CPLANE1: variants seen among roughly 807,000 people sequenced by gnomAD.
CPLANE1 encodes the protein ciliogenesis and planar polarity effector complex subunit 1.
A neutral mutation model predicts 362.5 loss-of-function variants in CPLANE1; 263 were observed. That is an observed-to-expected ratio of 0.73 (90% CI 0.66 to 0.80). The LOEUF is 0.80. Ranked by LOEUF, CPLANE1 falls within the 30% of genes least tolerant of loss-of-function variation. CPLANE1 has a pLI of 0.00. For synonymous variants in CPLANE1, 1,212 were observed against 1,302.6 expected, an observed-to-expected ratio of 0.93 and a Z score of 1.50; for missense variants, 3,461 against 3,793.4, an observed-to-expected ratio of 0.91 and a Z score of 2.30.
In CPLANE1 at chr5:37,224,272, T is replaced by C. The variant is rs1358736907; in HGVS notation, c.2562A>G (p.Leu854=). 6.5e-7 allele frequency: 1 copy of C among 1,548,738 alleles called. No individual in the cohort carries two copies. The highest frequency in any genetic ancestry group is 1.4e-5 in the African/African-American group (1 of 72,952). The change falls in exon 14 of 53, where the codon CTA becomes CTG. Residue 854 remains leucine (L), a synonymous_variant. Transcript: ENST00000651892. ...EKSVQLWKKA[L]QEIEEKGGRR... is the part of the protein sequence containing the mutation. ...TCTTACCTTTCTCTTCGATTTCTTG[T>C]AGAGCTTTTTTCCACAGCTGAACAG...
intron 16 of CPLANE1, chr5:37,211,868 G>T: frequency 1.3e-6 from 1 of 789,144 alleles, no homozygotes; most frequent in South Asian, 1.3e-5. Context: ...CACGGAATGT[G>T]CCAAGGCAGT....
Position 37,238,837 on chromosome 5 carries a change from A to G in CPLANE1, c.938+20T>C, listed in dbSNP as rs1391242118. ...TTTAAAAGAAAAAAAGAAAAAAAAG[A>G]CAGACAAAAGAGTTCTTACCTAATA... On this transcript the variant is annotated intron_variant, in intron 8 of 52. Coordinates refer to ENST00000651892, the MANE Select transcript of CPLANE1 (RefSeq NM_001384732.1). 16 of 1,361,144 alleles carry G rather than the reference A, an allele frequency of 1.2e-5. No individual in the cohort carries two copies. The African/African-American group carries it at 2.2e-4, about 19-fold the overall frequency. 84.3% of individuals were successfully genotyped at this position (1,361,144 alleles called of 1,614,324 possible).
chr5:37,104,967 T>C (rs1757484142), downstream of CPLANE1, among the ~76,000 whole-genome samples: 1 of 152,074 alleles, frequency 6.6e-6, no homozygotes, highest in African/African-American at 2.4e-5. Context: ...AAAACAGCAC[T>C]GAACTGGTAT....
chr5:37,172,309 C>T (rs186791844), intron 32 of CPLANE1, among the ~76,000 whole-genome samples: 1 of 152,112 alleles, frequency 6.6e-6, no homozygotes, highest in South Asian at 2.1e-4. Flanking sequence ...TTAGCCACTG[C>T]TATAGAAATA....
intron 13 of CPLANE1, 49 bp downstream of exon 13, chr5:37,224,483 A>C: frequency 7.2e-7 from 1 of 1,383,358 alleles, no homozygotes; most frequent in Non-Finnish European, 1.0e-6. Flanking sequence ...AAGTCTGGTT[A>C]ACTATGTCAT....
At chr5:37,217,327 C>T (rs543759160) in intron 15 of CPLANE1, among the ~76,000 whole-genome samples, 4 of 152,046 alleles carry the variant, frequency 2.6e-5, no homozygotes, top group East Asian at 1.9e-4. Flanking sequence ...AAATCTCGAC[C>T]GGGTGCAGTG....
chr5:37,107,382 C>A lies in CPLANE1; in HGVS notation c.*220G>T. On this transcript the variant is annotated 3_prime_UTR_variant, in exon 53 of 53. Transcript: ENST00000651892. ...CCTAATGATGCATCAAATACAAAAACATATAATACATCAATAGTCAACCCT... is the reference window on the plus strand; with the variant it reads ...CCTAATGATGCATCAAATACAAAAAAATATAATACATCAATAGTCAACCCT... The A allele has an allele frequency of 8.0e-7, 1 of 1,244,134 alleles. No individual in the cohort carries two copies. The highest frequency in any genetic ancestry group is 1.0e-6 in the Non-Finnish European group (1 of 991,638). The allele number at this position is 1,244,134 out of a possible 1,614,324, so 77.1% of individuals were successfully genotyped here.
intron 21 of CPLANE1, among the ~76,000 whole-genome samples, chr5:37,192,708 C>CA (rs1580600103): frequency 2.0e-5 from 3 of 150,558 alleles, no homozygotes; most frequent in African/African-American, 7.3e-5. Context: ...ACTAAAAATA[C>CA]AAAAAATTAG....
Position 37,209,092 on chromosome 5 carries a change from C to T in CPLANE1, c.2921-2667G>A, listed in dbSNP as rs1402086326. Among the ~76,000 whole-genome samples the T allele has an allele frequency of 6.6e-6, 1 of 152,264 alleles. No individual in the cohort carries two copies. Among genetic ancestry groups the T allele is most frequent in the Non-Finnish European group, 1.5e-5 (1 of 68,050 alleles). On this transcript the variant is annotated intron_variant, in intron 16 of 52. Coordinates refer to ENST00000651892, the MANE Select transcript of CPLANE1 (RefSeq NM_001384732.1). The surrounding 1 kb of genome is among the most constrained non-coding windows in gnomAD (Gnocchi z 4.6). ...TGTCCCTAGTCTCCGGGTCCCCGCC[C>T]TCCAGCCGCCTTTGATTCGTGACTG... is the stretch of plus-strand genomic sequence containing the variant.
chr5:37,167,203 G>A lies in CPLANE1; in HGVS notation c.7244C>T (p.Thr2415Ile). The A allele has an allele frequency of 6.2e-7, 1 of 1,607,780 alleles. No homozygotes were observed. The highest frequency in any genetic ancestry group is 8.5e-7 in the Non-Finnish European group (1 of 1,178,596). Reference protein sequence around the residue: ...HLSPENRCKKTQLIPLENLIA... With the variant: ...HLSPENRCKKIQLIPLENLIA... ...GAGGTTTTCAAGTGGGATAAGTTGT[G>A]TTTTTTTGCACTACAAGAAAGAAAC... The change falls in exon 35 of 53, where the codon ACA becomes ATA. Residue 2415 changes from threonine (T) to isoleucine (I), a missense_variant. By Grantham distance (89) the Thr-to-Ile change is moderately conservative. Transcript: ENST00000651892.
intron 16 of CPLANE1, among the ~76,000 whole-genome samples, chr5:37,206,686 A>G (rs774790816): frequency 5.9e-5 from 9 of 152,156 alleles, no homozygotes; most frequent in Non-Finnish European, 1.3e-4. Flanking sequence ...ACAGAATAGA[A>G]AGTATCAGAC....
chr5:37,201,732 A>C lies in CPLANE1; in HGVS notation c.3366T>G (p.Asp1122Glu). The part of the protein sequence containing the change: ...QEVLKASVMA[D>E]ADILSETFQL... Reference sequence around the variant, plus strand: ...GAAATGTCTCCGAAAGAATATCTGCATCGGCCATAACTGATGCTTTCAGTA... The same window carrying C: ...GAAATGTCTCCGAAAGAATATCTGCCTCGGCCATAACTGATGCTTTCAGTA... Residue 1122 changes from aspartate (D) to glutamate (E), a missense_variant, in exon 19 of 53, where the codon GAT (aspartate) becomes GAG (glutamate). Coordinates refer to ENST00000651892, the MANE Select transcript of CPLANE1 (RefSeq NM_001384732.1). 1 of 1,614,202 alleles carries C rather than the reference A, an allele frequency of 6.2e-7. No individual in the cohort carries two copies. The highest frequency in any genetic ancestry group is 8.5e-7 in the Non-Finnish European group (1 of 1,180,012).
rs528448816 is a variant in CPLANE1 at position 37,142,422 on chromosome 5, T to C, written c.8520A>G (p.Glu2840=). 2.3e-5 allele frequency: 37 copies of C among 1,609,338 alleles called. No individual in the cohort carries two copies. In the South Asian group the frequency reaches 4.0e-4, roughly 17 times the overall value. Residue 2840 remains glutamate (E), a synonymous_variant, in exon 44 of 53, where the codon GAA becomes GAG. Coordinates refer to ENST00000651892, the MANE Select transcript of CPLANE1 (RefSeq NM_001384732.1). ...EDQSDKKETS[E]PEFSITENYS... is the part of the protein sequence containing the mutation. ...AATTTTCTGTTATTGAAAATTCAGGTTCTGAAGTCTCCTTTTTGTCACTTT... is the reference window on the plus strand; with the variant it reads ...AATTTTCTGTTATTGAAAATTCAGGCTCTGAAGTCTCCTTTTTGTCACTTT...
In CPLANE1 at chr5:37,243,100, A is replaced by G. The variant is rs1263716375; in HGVS notation, c.590T>C (p.Leu197Pro). The G allele has an allele frequency of 1.3e-6, 2 of 1,540,982 alleles. No individual in the cohort carries two copies. The highest frequency in any genetic ancestry group is 1.8e-6 in the Non-Finnish European group (2 of 1,142,458). Reference protein sequence around the residue: ...IKNELFGDCCLCSFTFYSGEC... With the variant: ...IKNELFGDCCPCSFTFYSGEC... ...CCCAGAATAAAAAGTAAATGAACAC[A>G]GGCAGCAGTCTCCAAATAACTGTAG... Residue 197 changes from leucine to proline, a missense_variant, in exon 6 of 53, where the codon CTG becomes CCG. Leu to Pro is a moderately conservative substitution (Grantham distance 98). Coordinates refer to ENST00000651892, the MANE Select transcript of CPLANE1 (RefSeq NM_001384732.1).
the CPLANE1 span, among the ~76,000 whole-genome samples, chr5:37,078,735 T>TTTAA: frequency 3.3e-5 from 5 of 152,086 alleles, no homozygotes; most frequent in Non-Finnish European, 5.9e-5. Context: ...TTTTTGACAT[T>TTTAA]TTAATAATTG....
At chr5:37,220,478 AC>A (rs894246315) in intron 15 of CPLANE1, among the ~76,000 whole-genome samples, 12 of 151,696 alleles carry the variant, frequency 7.9e-5, no homozygotes, top group African/African-American at 2.9e-4. Flanking sequence ...ATTTAAATAT[AC>A]CTCTTTGAAA....
Position 37,206,410 on chromosome 5 carries a change from A to C in CPLANE1, c.2936T>G (p.Leu979Arg), listed in dbSNP as rs766715085. ...LHIKTEQSFR[L>R]IPLQHSKVAS... ...CACCTTAGAGTGTTGCAGAGGAATAAGTCGAAAGGACTGCTCTGTGAGTAA... is the reference window on the plus strand; with the variant it reads ...CACCTTAGAGTGTTGCAGAGGAATACGTCGAAAGGACTGCTCTGTGAGTAA... The change falls in exon 17 of 53, where the codon CTT becomes CGT. Residue 979 changes from leucine (L) to arginine (R), a missense_variant. Physicochemically the swap from Leu to Arg is moderately radical, Grantham distance 102 (BLOSUM62 -2). Coordinates refer to ENST00000651892, the MANE Select transcript of CPLANE1 (RefSeq NM_001384732.1). 22 of 1,550,806 alleles carry C rather than the reference A, an allele frequency of 1.4e-5. No individual in the cohort carries two copies. The South Asian group carries it at 2.5e-4, about 18-fold the overall frequency.
the CPLANE1 span, among the ~76,000 whole-genome samples, chr5:37,076,071 C>A: frequency 6.6e-6 from 1 of 151,712 alleles, no homozygotes; most frequent in Non-Finnish European, 1.5e-5. Context: ...TAGTGAAACC[C>A]CTATCAATCA....
chr5:37,207,175 T>C (rs1401124299), intron 16 of CPLANE1, among the ~76,000 whole-genome samples: 1 of 152,240 alleles, frequency 6.6e-6, no homozygotes, highest in African/African-American at 2.4e-5. Context: ...AGAAATGTTA[T>C]TAAAAAATAC....
Sources: allele counts gnomAD v4.1 joint callset (sites outside exome capture counted in the v4.1 genomes callset), GRCh38; gene constraint gnomAD v4.1.1; non-coding constraint Gnocchi (gnomAD v3.1); transcripts MANE v1.5; gene names NCBI Gene and HGNC (gene_info 2026-07-23, HGNC 2026-07-21).